TMPRSS4: variants seen among roughly 807,000 people sequenced by gnomAD.
TMPRSS4 encodes the protein transmembrane serine protease 4.
TMPRSS4 carries 45 observed loss-of-function variants against 56.4 expected under a neutral mutation model. The observed-to-expected ratio is 0.80, with a 90% CI of 0.63 to 1.02. The LOEUF is 1.02. Among genes scored for constraint, TMPRSS4 ranks in the 50% least tolerant of loss-of-function variants. The pLI is 0.00. For missense variants in TMPRSS4, 546 were observed against 556.7 expected (o/e 0.98, Z 0.19); for synonymous variants, 205 against 211.0 (o/e 0.97, Z 0.25).
chr11:118,117,463 C>A lies in TMPRSS4; in HGVS notation c.1302+9C>A. On this transcript the variant is annotated intron_variant, in intron 12 of 12. Coordinates refer to ENST00000437212, the MANE Select transcript of TMPRSS4 (RefSeq NM_019894.4). ...TCTACAATGTCTGGAAGGTAAGGTA[C>A]CTTTGCCCTACCCACTGTGCCTTCC... is the stretch of plus-strand genomic sequence containing the variant. The A allele has an allele frequency of 6.2e-7, 1 of 1,608,694 alleles. No homozygotes were observed. Among genetic ancestry groups the A allele is most frequent in the Non-Finnish European group, 8.5e-7 (1 of 1,176,640 alleles).
chr11:118,099,418 G>GA (rs1215171210), intron 3 of TMPRSS4, among the ~76,000 whole-genome samples: 11 of 142,098 alleles, frequency 7.7e-5, no homozygotes, highest in African/African-American at 2.6e-4. Flanking sequence ...AATTTGAGGA[G>GA]AAAAAAACAG....
chr11:118,104,544 A>G (rs1327333428), intron 4 of TMPRSS4, 147 bp from the exon 5 acceptor site: 6 of 1,313,130 alleles, frequency 4.6e-6, no homozygotes, highest in Admixed American at 4.5e-5. Context: ...CAAATGGAAG[A>G]AATTCCCTTG....
At chr11:118,117,686 T>C (rs1947636046) in intron 12 of TMPRSS4, 2 of 985,360 alleles carry the variant, frequency 2.0e-6, no homozygotes, top group Non-Finnish European at 2.4e-6. Context: ...CAAGCCTTTC[T>C]TTCTCTTTTC....
In TMPRSS4 at chr11:118,103,136, G is replaced by A. The variant is rs770114810; in HGVS notation, c.193G>A (p.Gly65Arg). 8.1e-6 allele frequency: 13 copies of A among 1,614,058 alleles called. No individual in the cohort carries two copies. Among genetic ancestry groups the A allele is most frequent in the East Asian group, 4.5e-5 (2 of 44,890 alleles). ...TCTGGATAAATACTACTTCCTCTGC[G>A]GGCAGCCTCTCCACTTCATCCCGAG... ...VILDKYYFLC[G>R]QPLHFIPRKQ... is the part of the protein sequence containing the mutation. The change falls in exon 4 of 13, where the codon GGG (glycine) becomes AGG (arginine). Residue 65 changes from glycine (G) to arginine (R), a missense_variant. Coordinates refer to ENST00000437212, the MANE Select transcript of TMPRSS4 (RefSeq NM_019894.4).
At chr11:118,084,228 G>A (rs1173100522) in intron 1 of TMPRSS4, among the ~76,000 whole-genome samples, 1 of 152,102 alleles carries the variant, frequency 6.6e-6, no homozygotes, top group Non-Finnish European at 1.5e-5. Flanking sequence ...TCAGGCCAAT[G>A]AGCAAACAGG....
intron 1 of TMPRSS4, among the ~76,000 whole-genome samples, chr11:118,093,435 A>G (rs151040433): frequency 1.1e-4 from 17 of 152,364 alleles, no homozygotes; most frequent in African/African-American, 4.1e-4. Flanking sequence ...CACAGGGTTC[A>G]GAGGGCATAA....
intron 2 of TMPRSS4, among the ~76,000 whole-genome samples, chr11:118,095,906 A>G (rs1946260947): frequency 6.6e-6 from 1 of 152,202 alleles, no homozygotes; most frequent in African/African-American, 2.4e-5. Context: ...AACAGCCGGC[A>G]AGGAGGCTGT....
At chr11:118,079,547 G>A (rs1408703628) in intron 1 of TMPRSS4, among the ~76,000 whole-genome samples, 1 of 152,202 alleles carries the variant, frequency 6.6e-6, no homozygotes, top group Non-Finnish European at 1.5e-5. Flanking sequence ...CAGGGACCCT[G>A]GGACTGGTTA....
At chr11:118,085,043 C>T (rs1244974670) in intron 1 of TMPRSS4, among the ~76,000 whole-genome samples, 1 of 152,114 alleles carries the variant, frequency 6.6e-6, no homozygotes, top group Non-Finnish European at 1.5e-5. Context: ...TGGGGGCTTG[C>T]AAAGGTGCTG....
intron 9 of TMPRSS4, 100 bp downstream of exon 9, chr11:118,113,535 C>T (rs1947391092): frequency 7.3e-7 from 1 of 1,366,278 alleles, no homozygotes; most frequent in Non-Finnish European, 1.0e-6. Context: ...AATGTCTCCT[C>T]TCAAGTCCTC....
chr11:118,105,120 C>T (rs530610384), intron 5 of TMPRSS4, among the ~76,000 whole-genome samples: 67 of 152,260 alleles, frequency 4.4e-4, no homozygotes, highest in African/African-American at 1.6e-3. Context: ...CTATGCAGTC[C>T]TCTCCTTTCC....
At chr11:118,122,923 A>G (rs1256420593), downstream of TMPRSS4, among the ~76,000 whole-genome samples, 1 of 152,138 alleles carries the variant, frequency 6.6e-6, no homozygotes, top group Non-Finnish European at 1.5e-5. Flanking sequence ...AAGAGGCTTG[A>G]AGGAGCCTCT....
intron 1 of TMPRSS4, among the ~76,000 whole-genome samples, chr11:118,080,993 C>A (rs1945082715): frequency 6.6e-6 from 1 of 152,178 alleles, no homozygotes; most frequent in African/African-American, 2.4e-5. Flanking sequence ...AACCTGTTGC[C>A]ACCAGAATGG....
Position 118,103,238 on chromosome 11 carries a change from G to A in TMPRSS4, c.295G>A (p.Gly99Arg). The part of the protein sequence containing the change: ...EEHCVKSFPE[G>R]PAVAVRLSKD... ...GCACTGTGTCAAGAGCTTCCCCGAA[G>A]GGCCTGCAGTGGCAGGTGAGTGCAG... is the stretch of plus-strand genomic sequence containing the variant. The change falls in exon 4 of 13, where the codon GGG becomes AGG. Residue 99 changes from glycine to arginine, a missense_variant. Coordinates refer to ENST00000437212, the MANE Select transcript of TMPRSS4 (RefSeq NM_019894.4). 1 of 1,613,826 alleles carries A rather than the reference G, an allele frequency of 6.2e-7. No homozygotes were observed. The highest frequency in any genetic ancestry group is 8.5e-7 in the Non-Finnish European group (1 of 1,179,934).
At chr11:118,103,342 T>G (rs1946820695) in intron 4 of TMPRSS4, 89 bp downstream of exon 4, 2 of 1,471,390 alleles carry the variant, frequency 1.4e-6, no homozygotes, top group African/African-American at 1.4e-5. Context: ...ATCTGCCCCC[T>G]ACTTGTCACT....
At chr11:118,087,133 C>T (rs979903157) in intron 1 of TMPRSS4, among the ~76,000 whole-genome samples, 2 of 152,176 alleles carry the variant, frequency 1.3e-5, no homozygotes, top group Admixed American at 1.3e-4. Flanking sequence ...TCCTATGAGA[C>T]CATGGGAAGC....
intron 1 of TMPRSS4, among the ~76,000 whole-genome samples, chr11:118,081,896 G>A (rs1291529221): frequency 6.6e-6 from 1 of 152,174 alleles, no homozygotes; most frequent in Non-Finnish European, 1.5e-5. Context: ...AGGAGCAGGG[G>A]AGACTGCTTT....
At chr11:118,092,464 C>G (rs146235245) in intron 1 of TMPRSS4, among the ~76,000 whole-genome samples, 1 of 151,842 alleles carries the variant, frequency 6.6e-6, no homozygotes, top group Non-Finnish European at 1.5e-5. Context: ...AGTTCCTGGG[C>G]GGGGGCCGCC....
At chr11:118,092,155 C>A (rs545173846) in intron 1 of TMPRSS4, among the ~76,000 whole-genome samples, 1 of 152,316 alleles carries the variant, frequency 6.6e-6, no homozygotes, top group South Asian at 2.1e-4. Context: ...AACACCTGTA[C>A]CAAATGCTAC....
Sources: gnomAD v4.1 joint callset for allele counts (sites outside exome capture counted in the v4.1 genomes callset) on GRCh38, gnomAD v4.1.1 for gene constraint, MANE v1.5 for transcripts, NCBI Gene and HGNC (gene_info 2026-07-23, HGNC 2026-07-21) for gene names.